Variants in CCDC91 observed in about 807,000 individuals in gnomAD.
The protein encoded by CCDC91 is coiled-coil domain containing 91.
A neutral mutation model predicts 63.2 loss-of-function variants in CCDC91; 48 were observed. That is an observed-to-expected ratio of 0.76 (90% CI 0.60 to 0.97). The LOEUF is 0.97. Ranked by LOEUF, CCDC91 falls within the 50% of genes least tolerant of loss-of-function variation. The probability of loss-of-function intolerance (pLI) is 0.00; values close to 1 mark genes in which losing one functional copy is unlikely to be tolerated. For synonymous variants in CCDC91, 167 were observed against 165.8 expected, an observed-to-expected ratio of 1.01 and a Z score of -0.06; for missense variants, 500 against 494.6, an observed-to-expected ratio of 1.01 and a Z score of -0.10.
chr12:28,214,704 C>A (rs190075173), intron 1 of CCDC91, among the ~76,000 whole-genome samples: 1 of 152,080 alleles, frequency 6.6e-6, no homozygotes, highest in Admixed American at 6.6e-5. Context: ...GTTTAAATTA[C>A]AGGATATCAA....
At chr12:28,362,297 T>TATATATATATATATATATATATATA (rs1241655538) in intron 6 of CCDC91, 141 bp from the exon 7 acceptor site, 24 of 491,236 alleles carry the variant, frequency 4.9e-5, no homozygotes, top group Non-Finnish European at 5.9e-5. Flanking sequence ...TATATATATG[T>TATATATATATATATATATATATATA]TTTCTCTTTG....
chr12:28,475,779 C>T (rs1331234041), intron 11 of CCDC91, among the ~76,000 whole-genome samples: 5 of 151,898 alleles, frequency 3.3e-5, no homozygotes, highest in East Asian at 3.9e-4. Flanking sequence ...CCTTGGTCTT[C>T]GACTTCTCAG....
At position 28,201,140 on chromosome 12, in the gene CCDC91, C is replaced by T. The variant is rs1378485531; in HGVS notation, c.-15+10499C>T. ...GGCCGGGCGGGGGGCTGACCCCCACCTCCCTCCCGGACGAGGTGGCTGCTG... is the reference window on the plus strand; with the variant it reads ...GGCCGGGCGGGGGGCTGACCCCCACTTCCCTCCCGGACGAGGTGGCTGCTG... On this transcript the variant is annotated intron_variant, in intron 1 of 12. Transcript: ENST00000536442. Among the ~76,000 whole-genome samples, 3 of 150,812 alleles carry T rather than the reference C, an allele frequency of 2.0e-5. No individual in the cohort carries two copies. In the East Asian group the frequency reaches 5.9e-4, roughly 30 times the overall value.
At position 28,367,243 on chromosome 12, in the gene CCDC91, C is replaced by T. The variant is rs1187204518; in HGVS notation, c.654+4728C>T. The stretch of plus-strand genomic sequence containing the variant: ...GTTTTAACAAGTGATTATGAACATT[C>T]TTGAAACCAATGTGAAAACAGAAAA... On this transcript the variant is annotated intron_variant, in intron 7 of 12. Coordinates refer to ENST00000536442, the MANE Select transcript of CCDC91 (RefSeq NM_018318.5). Among the ~76,000 whole-genome samples, 5 of 152,042 alleles carry T rather than the reference C, an allele frequency of 3.3e-5. 1 individual carries two copies. Among genetic ancestry groups the T allele is most frequent in the Admixed American group, 3.3e-4 (5 of 15,268 alleles).
chr12:28,394,879 A>C (rs925058377), intron 8 of CCDC91, among the ~76,000 whole-genome samples: 1 of 152,040 alleles, frequency 6.6e-6, no homozygotes, highest in Non-Finnish European at 1.5e-5. Flanking sequence ...TTTTTCCTCT[A>C]TGGATGAGAT....
At chr12:28,256,520 G>T (rs74602106) in intron 1 of CCDC91, among the ~76,000 whole-genome samples, 1 of 150,992 alleles carries the variant, frequency 6.6e-6, no homozygotes, top group Non-Finnish European at 1.5e-5. Flanking sequence ...AATAATATTT[G>T]AGTGCTTGTC....
chr12:28,250,035 C>T (rs1445648022), intron 1 of CCDC91, among the ~76,000 whole-genome samples: 2 of 151,990 alleles, frequency 1.3e-5, no homozygotes, highest in African/African-American at 4.8e-5. Flanking sequence ...AGAGGGCATA[C>T]ATTTTTTGAA....
intron 1 of CCDC91, among the ~76,000 whole-genome samples, chr12:28,254,598 T>G (rs1946320471): frequency 6.6e-6 from 1 of 152,186 alleles, no homozygotes; most frequent in Non-Finnish European, 1.5e-5. Context: ...TCTTTTCTCC[T>G]ATTTAAAATG....
chr12:28,306,616 A>C, intron 4 of CCDC91, 126 bp from the exon 5 acceptor site: 1 of 607,638 alleles, frequency 1.6e-6, no homozygotes, highest in Non-Finnish European at 2.7e-6. Context: ...TAAAGGGTGA[A>C]ATAATTTCGG....
chr12:28,431,331 C>T (rs1948614165), intron 8 of CCDC91, among the ~76,000 whole-genome samples: 2 of 152,066 alleles, frequency 1.3e-5, no homozygotes, highest in African/African-American at 4.8e-5. Flanking sequence ...TGTTAAAATG[C>T]ACTGCTACAA....
intron 8 of CCDC91, among the ~76,000 whole-genome samples, chr12:28,437,786 A>G (rs1948986947): frequency 6.6e-6 from 1 of 152,144 alleles, no homozygotes; most frequent in African/African-American, 2.4e-5. Context: ...GTAAAATTCA[A>G]TGTTCTGTCA....
chr12:28,400,043 C>T (rs537609906), intron 8 of CCDC91, among the ~76,000 whole-genome samples: 2 of 152,314 alleles, frequency 1.3e-5, no homozygotes, highest in African/African-American at 2.4e-5. Flanking sequence ...TGTGGGGGCT[C>T]TGACCCCACA....
rs1387983258 is a variant in CCDC91, at chr12:28,475,239, G to A, written c.1102-8813G>A. ...TTACTGCCTTCCTTCATTTTTTTAA[G>A]GCTTATTATCACTTTGAGAAAAGCA... On this transcript the variant is annotated intron_variant, in intron 11 of 12. Coordinates refer to ENST00000536442, the MANE Select transcript of CCDC91 (RefSeq NM_018318.5). Among the ~76,000 whole-genome samples, 4 of 151,758 alleles carry A rather than the reference G, an allele frequency of 2.6e-5. No homozygotes were observed. The East Asian group carries it at 7.7e-4, about 29-fold the overall frequency.
intron 1 of CCDC91, among the ~76,000 whole-genome samples, chr12:28,211,039 G>A (rs1257898277): frequency 2.0e-5 from 3 of 149,474 alleles, no homozygotes; most frequent in African/African-American, 2.5e-5. Context: ...TTTTAGGCAC[G>A]TATTTTGTCC....
chr12:28,253,597 G>C (rs1946261417), intron 1 of CCDC91, among the ~76,000 whole-genome samples: 1 of 152,132 alleles, frequency 6.6e-6, no homozygotes, highest in Non-Finnish European at 1.5e-5. Context: ...TCATAAGTGT[G>C]ATTCTCATTT....
intron 12 of CCDC91, among the ~76,000 whole-genome samples, chr12:28,522,810 T>G (rs892788128): frequency 1.3e-5 from 2 of 152,228 alleles, no homozygotes; most frequent in African/African-American, 4.8e-5. Context: ...CATCTTTATT[T>G]CTGCCTTCAT....
intron 8 of CCDC91, among the ~76,000 whole-genome samples, chr12:28,445,350 C>T (rs556498161): frequency 2.0e-5 from 3 of 152,216 alleles, no homozygotes; most frequent in South Asian, 2.1e-4. Flanking sequence ...TAAAATGACA[C>T]ATATAAGGGA....
rs190083010 is a variant in CCDC91, at chr12:28,387,643, G to A, written c.655-3661G>A. The stretch of plus-strand genomic sequence containing the variant: ...TTATAGATGAGAACATGTGATGTTT[G>A]GTTTTCCATTTCTGAGTTTCTTCAC... On this transcript the variant is annotated intron_variant, in intron 7 of 12. Transcript: ENST00000536442. Among the ~76,000 whole-genome samples the A allele has an allele frequency of 5.9e-3, 900 of 152,142 alleles. 9 individuals are homozygous for A. The highest frequency in any genetic ancestry group is 0.021 in the African/African-American group (874 of 41,512).
intron 11 of CCDC91, among the ~76,000 whole-genome samples, chr12:28,471,322 A>G (rs1281318988): frequency 6.6e-6 from 1 of 152,228 alleles, no homozygotes; most frequent in Non-Finnish European, 1.5e-5. Context: ...CAAACTATCA[A>G]TTGTGTGTGA....
Sources: gnomAD v4.1 joint callset for allele counts (sites outside exome capture counted in the v4.1 genomes callset) on GRCh38, gnomAD v4.1.1 for gene constraint, MANE v1.5 for transcripts, NCBI Gene and HGNC (gene_info 2026-07-23, HGNC 2026-07-21) for gene names.